The following CALCRL variants were observed in gnomAD, a reference collection of about 807,000 sequenced individuals.
CALCRL encodes calcitonin gene-related peptide type 1 receptor.
A neutral mutation model predicts 60.4 loss-of-function variants in CALCRL; 27 were observed. That is an observed-to-expected ratio of 0.45 (90% CI 0.33 to 0.62). CALCRL has a LOEUF of 0.62. CALCRL is among the 20% of genes least tolerant of loss of function. CALCRL has a pLI of 0.03. For missense variants in CALCRL, 424 were observed against 540.7 expected, an observed-to-expected ratio of 0.78 and a Z score of 2.14; for synonymous variants, 190 against 182.6, an observed-to-expected ratio of 1.04 and a Z score of -0.33.
At chr2:187,410,240 G>T (rs960565637) in intron 1 of CALCRL, among the ~76,000 whole-genome samples, 8 of 152,116 alleles carry the variant, frequency 5.3e-5, no homozygotes, top group Non-Finnish European at 1.0e-4. Context: ...AGAGTGACAT[G>T]AACATTTTAA....
chr2:187,366,567 A>C (rs916855322), intron 8 of CALCRL, among the ~76,000 whole-genome samples: 4 of 151,924 alleles, frequency 2.6e-5, no homozygotes, highest in African/African-American at 9.7e-5. Flanking sequence ...AGTGAAATAA[A>C]ATAAATAACG....
At chr2:187,430,807 G>A (rs3771067) in intron 1 of CALCRL, among the ~76,000 whole-genome samples, 49,163 of 151,888 alleles carry the variant, frequency 0.32, 8,277 homozygotes, top group African/African-American at 0.4. Flanking sequence ...TAGAAAATAA[G>A]GAACTCTATA....
chr2:187,344,578 A>G lies in CALCRL; in HGVS notation c.*1606T>C, dbSNP rs1686204830. ...GCAAATTTCACTTTAATTCATTAGCAAGGTTTTCTTCTATCTTTATTTAAT... is the reference window on the plus strand; with the variant it reads ...GCAAATTTCACTTTAATTCATTAGCGAGGTTTTCTTCTATCTTTATTTAAT... On this transcript the variant is annotated 3_prime_UTR_variant, in exon 15 of 15. Coordinates refer to ENST00000392370, the MANE Select transcript of CALCRL (RefSeq NM_005795.6). 1 of 151,702 alleles carries G rather than the reference A, an allele frequency of 6.6e-6. No homozygotes were observed. Among genetic ancestry groups the G allele is most frequent in the Non-Finnish European group, 1.5e-5 (1 of 67,704 alleles). 9.4% of individuals were successfully genotyped at this position (151,702 alleles called of 1,614,324 possible). A position where few individuals can be genotyped will look rare whatever the true frequency, so the allele number is the denominator to read the frequency against.
chr2:187,389,528 T>C (rs1688347433), intron 1 of CALCRL, among the ~76,000 whole-genome samples: 1 of 152,180 alleles, frequency 6.6e-6, no homozygotes. Flanking sequence ...TTTTTCCATC[T>C]AGAACTTAAA....
At chr2:187,423,235 T>C (rs539376186) in intron 1 of CALCRL, among the ~76,000 whole-genome samples, 3 of 152,202 alleles carry the variant, frequency 2.0e-5, no homozygotes, top group South Asian at 4.1e-4. Context: ...ATGTATGGTC[T>C]ATATTGTTTT....
At chr2:187,389,069 C>CTT (rs35822000) in intron 1 of CALCRL, among the ~76,000 whole-genome samples, 8,971 of 140,086 alleles carry the variant, frequency 0.064, 874 homozygotes, top group African/African-American at 0.21. Flanking sequence ...ACTTCTTCTT[C>CTT]TTTTTTTTTT....
intron 1 of CALCRL, among the ~76,000 whole-genome samples, chr2:187,390,455 GC>G (rs1388395882): frequency 6.6e-6 from 1 of 151,962 alleles, no homozygotes; most frequent in Admixed American, 6.6e-5. Context: ...ATATTGAGGG[GC>G]AAAGTGCTTC....
intron 1 of CALCRL, among the ~76,000 whole-genome samples, chr2:187,431,534 G>A (rs1402213562): frequency 3.3e-5 from 5 of 152,036 alleles, no homozygotes; most frequent in Non-Finnish European, 1.5e-5. Context: ...GACATACCAG[G>A]TATATTGAGG....
intron 12 of CALCRL, among the ~76,000 whole-genome samples, chr2:187,352,587 C>T (rs1686582433): frequency 6.6e-6 from 1 of 151,588 alleles, no homozygotes; most frequent in East Asian, 1.9e-4. Flanking sequence ...GGAACATATT[C>T]AGTTGAAGAA....
At position 187,410,135 on chromosome 2, in the gene CALCRL, C is replaced by T. The variant is rs541702871; in HGVS notation, c.-292-22379G>A. ...GGGTGAAAACAAGAATAAGGAGTTC[C>T]TTTGAGATTTTGGTTTTGTAAAGTC... On this transcript the variant is annotated intron_variant, in intron 1 of 14. Transcript: ENST00000392370. 5.9e-5 allele frequency among the ~76,000 whole-genome samples: 9 copies of T among 152,086 alleles called. No homozygotes were observed. The East Asian group carries it at 1.7e-3, about 29-fold the overall frequency.
At chr2:187,413,533 G>A (rs997180154) in intron 1 of CALCRL, among the ~76,000 whole-genome samples, 2 of 152,106 alleles carry the variant, frequency 1.3e-5, no homozygotes, top group East Asian at 1.9e-4. Context: ...TGTAATTTAC[G>A]TGTCAAAAAG....
At chr2:187,398,958 C>T (rs1438536376) in intron 1 of CALCRL, among the ~76,000 whole-genome samples, 5 of 151,518 alleles carry the variant, frequency 3.3e-5, no homozygotes, top group Non-Finnish European at 4.4e-5. Flanking sequence ...ACAAATTAGC[C>T]ATTAAATTAC....
At chr2:187,403,317 A>G (rs1366515924) in intron 1 of CALCRL, among the ~76,000 whole-genome samples, 12 of 151,984 alleles carry the variant, frequency 7.9e-5, no homozygotes, top group African/African-American at 2.6e-4. Context: ...TATAGAGAAT[A>G]CCATAGAATA....
chr2:187,405,609 C>T (rs1024985887), intron 1 of CALCRL, among the ~76,000 whole-genome samples: 7 of 151,916 alleles, frequency 4.6e-5, no homozygotes, highest in African/African-American at 1.7e-4. Context: ...TGTGTATTTG[C>T]ATTATTACTC....
At chr2:187,390,364 C>T (rs3771082) in intron 1 of CALCRL, among the ~76,000 whole-genome samples, 11,507 of 152,004 alleles carry the variant, frequency 0.076, 589 homozygotes, top group East Asian at 0.18. Flanking sequence ...GTAAAAATCA[C>T]GTATGTTTTA....
At chr2:187,442,071 T>C (rs1399652669) in intron 1 of CALCRL, 1 of 11,534 alleles carries the variant, frequency 8.7e-5, no homozygotes, top group Non-Finnish European at 1.5e-4. Flanking sequence ...TTAAAAACAT[T>C]ATATATATAT....
At chr2:187,360,529 A>G (rs758392983) in intron 10 of CALCRL, 69 bp downstream of exon 10, 29 of 1,355,428 alleles carry the variant, frequency 2.1e-5, no homozygotes, top group Admixed American at 1.9e-4. Flanking sequence ...TCATATTACA[A>G]AGGAACCTGG....
intron 14 of CALCRL, among the ~76,000 whole-genome samples, chr2:187,350,465 T>C (rs1686476800): frequency 6.6e-6 from 1 of 151,458 alleles, no homozygotes; most frequent in Non-Finnish European, 1.5e-5. Context: ...AAAAAGTTGC[T>C]CTTGTCTTCT....
chr2:187,368,671 A>C (rs1559046076), intron 8 of CALCRL, among the ~76,000 whole-genome samples: 1 of 152,146 alleles, frequency 6.6e-6, no homozygotes, highest in Non-Finnish European at 1.5e-5. Flanking sequence ...CTCAATACTA[A>C]TTATGAGCAA....
Sources: allele counts gnomAD v4.1 joint callset (sites outside exome capture counted in the v4.1 genomes callset), GRCh38; gene constraint gnomAD v4.1.1; transcripts MANE v1.5; gene names NCBI Gene and HGNC (gene_info 2026-07-23, HGNC 2026-07-21).